The following EHHADH variants were observed in gnomAD, a reference collection of about 807,000 sequenced individuals.
EHHADH encodes the protein enoyl-CoA hydratase and 3-hydroxyacyl CoA dehydrogenase.
EHHADH carries 48 observed loss-of-function variants against 64.4 expected under a neutral mutation model. The observed-to-expected ratio is 0.75, with a 90% CI of 0.59 to 0.95. EHHADH has a LOEUF of 0.95. Ranked by LOEUF, EHHADH falls within the 40% of genes least tolerant of loss-of-function variation. The pLI is 0.00. For synonymous variants in EHHADH, 308 were observed against 326.7 expected, an observed-to-expected ratio of 0.94 and a Z score of 0.62; for missense variants, 854 against 876.6, an observed-to-expected ratio of 0.97 and a Z score of 0.33.
chr3:185,253,496 C>G (rs1719805025), intron 1 of EHHADH, among the ~76,000 whole-genome samples: 1 of 149,364 alleles, frequency 6.7e-6, no homozygotes, highest in Non-Finnish European at 1.5e-5. Context: ...GTGCAGCACA[C>G]CAACATGGCA....
At chr3:185,202,068 A>G (rs1361423841) in intron 6 of EHHADH, among the ~76,000 whole-genome samples, 5 of 152,200 alleles carry the variant, frequency 3.3e-5, no homozygotes, top group Non-Finnish European at 5.9e-5. Flanking sequence ...CTGGGCACAA[A>G]GGCTCACGCC....
At chr3:185,215,770 T>C (rs1267908947) in intron 5 of EHHADH, among the ~76,000 whole-genome samples, 1 of 152,214 alleles carries the variant, frequency 6.6e-6, no homozygotes, top group Non-Finnish European at 1.5e-5. Context: ...AAAAATCACT[T>C]AAGAAATTTT....
chr3:185,204,522 C>T lies in EHHADH; in HGVS notation c.804G>A (p.Leu268=), dbSNP rs779909543. The change falls in exon 6 of 7, where the codon CTG becomes CTA. Residue 268 remains leucine, a synonymous_variant. Coordinates refer to ENST00000231887, the MANE Select transcript of EHHADH (RefSeq NM_001966.4). ...TCCTTTCAGCGAAGAAAGCATATTG[C>T]AGGGCTCTAGCCTGCCCTGATTGCA... ...YLLQSGQARA[L]QYAFFAERKA... The T allele has an allele frequency of 1.2e-6, 2 of 1,614,168 alleles. No homozygotes were observed. The highest frequency in any genetic ancestry group is 3.3e-5 in the Admixed American group (2 of 60,018).
chr3:185,201,022 A>G (rs187012216), intron 6 of EHHADH, among the ~76,000 whole-genome samples: 1 of 152,312 alleles, frequency 6.6e-6, no homozygotes, highest in Admixed American at 6.5e-5. Context: ...AGATAAGGGG[A>G]GCTGATCAAG....
chr3:185,252,353 T>C (rs900189931), intron 1 of EHHADH, among the ~76,000 whole-genome samples: 1 of 150,386 alleles, frequency 6.6e-6, no homozygotes, highest in Non-Finnish European at 1.5e-5. Context: ...TGAGCTGAGA[T>C]CACGCCACTG....
In EHHADH at chr3:185,193,341, G is replaced by A; in HGVS notation, c.1057C>T (p.Gln353Ter). ...VLEKEASKMQ[Q>*]SGHPWSGPKP... Reference sequence around the variant, plus strand: ...GGTCCTGACCAAGGGTGGCCGCTCTGTTGCATTTTGGAGGCTTCTTTTTCC... The same window carrying A: ...GGTCCTGACCAAGGGTGGCCGCTCTATTGCATTTTGGAGGCTTCTTTTTCC... The change falls in exon 7 of 7, where the codon CAG becomes TAG. Residue 353 changes from glutamine (Q) to a stop codon, truncating the protein, a stop_gained. Coordinates refer to ENST00000231887, the MANE Select transcript of EHHADH (RefSeq NM_001966.4). LOFTEE classifies it high-confidence loss of function. 1 of 1,614,002 alleles carries A rather than the reference G, an allele frequency of 6.2e-7. No homozygotes were observed.
intron 5 of EHHADH, among the ~76,000 whole-genome samples, chr3:185,214,974 A>G (rs1006664442): frequency 2.6e-5 from 4 of 152,174 alleles, no homozygotes; most frequent in Non-Finnish European, 5.9e-5. Context: ...TTAAGCCTCT[A>G]TAAGTGATTG....
At chr3:185,212,112 A>T (rs1370351528) in intron 5 of EHHADH, among the ~76,000 whole-genome samples, 1 of 152,238 alleles carries the variant, frequency 6.6e-6, no homozygotes, top group Admixed American at 6.5e-5. Context: ...ATTCAGCATC[A>T]TGCCAGAAAC....
intron 6 of EHHADH, among the ~76,000 whole-genome samples, chr3:185,195,322 T>C (rs1047150280): frequency 6.6e-6 from 1 of 152,104 alleles, no homozygotes; most frequent in African/African-American, 2.4e-5. Flanking sequence ...TCAAACCCAC[T>C]AGGATTGCAA....
In EHHADH at chr3:185,229,476, G is replaced by T; in HGVS notation, c.419C>A (p.Pro140His). The change falls in exon 4 of 7, where the codon CCC becomes CAC. Residue 140 changes from proline to histidine, a missense_variant. Pro to His is a moderately conservative substitution (Grantham distance 77). Coordinates refer to ENST00000231887, the MANE Select transcript of EHHADH (RefSeq NM_001966.4). ...LPGARGTQLL[P>H]RLTGVPAALD... ...TGCAGCAGGAACTCCAGTGAGTCTG[G>T]GGAGAAGCTGGGTTCCTCTTGCACC... 1 of 1,576,404 alleles carries T rather than the reference G, an allele frequency of 6.3e-7. No individual in the cohort carries two copies. Among genetic ancestry groups the T allele is most frequent in the Non-Finnish European group, 8.6e-7 (1 of 1,158,516 alleles).
At chr3:185,197,823 G>A (rs1258447817) in intron 6 of EHHADH, among the ~76,000 whole-genome samples, 1 of 152,080 alleles carries the variant, frequency 6.6e-6, no homozygotes, top group Non-Finnish European at 1.5e-5. Context: ...TTGAGATGGA[G>A]TCTCTCTCTG....
At chr3:185,215,382 T>C (rs958534215) in intron 5 of EHHADH, among the ~76,000 whole-genome samples, 2 of 152,042 alleles carry the variant, frequency 1.3e-5, no homozygotes, top group African/African-American at 4.8e-5. Flanking sequence ...AAAAACATTA[T>C]ACAAAATAAA....
chr3:185,198,746 G>A (rs1718142243), intron 6 of EHHADH, among the ~76,000 whole-genome samples: 2 of 151,968 alleles, frequency 1.3e-5, no homozygotes, highest in Admixed American at 1.3e-4. Flanking sequence ...CTACTCAGGA[G>A]GCTGAGGCAC....
intron 2 of EHHADH, among the ~76,000 whole-genome samples, chr3:185,244,537 C>T (rs2108651198): frequency 6.6e-6 from 1 of 152,192 alleles, no homozygotes; most frequent in Non-Finnish European, 1.5e-5. Flanking sequence ...GGGAAGTGTA[C>T]TGAGTTGAAT....
chr3:185,247,310 C>T (rs1939775082), intron 2 of EHHADH, among the ~76,000 whole-genome samples: 1 of 152,096 alleles, frequency 6.6e-6, no homozygotes, highest in Admixed American at 6.5e-5. Flanking sequence ...TACCTTCTTT[C>T]TTACAAAGAA....
rs777425695 is a variant in EHHADH at position 185,192,425 on chromosome 3, C to T, written c.1973G>A (p.Arg658Lys). 23 of 1,614,088 alleles carry T rather than the reference C, an allele frequency of 1.4e-5. No homozygotes were observed. In the Admixed American group the frequency reaches 3.8e-4, roughly 27 times the overall value. ...ATAGAACATGGGCCCGCCCTTGTGC[C>T]TTGGCCATCCATATCCATGTAAATA... is the stretch of plus-strand genomic sequence containing the variant. ...VVYLHGYGWP[R>K]HKGGPMFYAS... The change falls in exon 7 of 7, where the codon AGG becomes AAG. Residue 658 changes from arginine to lysine, a missense_variant. By Grantham distance (26) the Arg-to-Lys change is conservative. Transcript: ENST00000231887.
chr3:185,241,659 G>A (rs1215067008), intron 2 of EHHADH, among the ~76,000 whole-genome samples: 1 of 151,114 alleles, frequency 6.6e-6, no homozygotes, highest in African/African-American at 2.4e-5. Context: ...TTTTTTTCTT[G>A]TTGATATGTT....
At position 185,217,797 on chromosome 3, in the gene EHHADH, T is replaced by C. The variant is rs528570159; in HGVS notation, c.568+339A>G. ...TTTTTTTTCTCGAGACGGAGTCTCG[T>C]TCTGTCGCCCAGGATGGAGTGCAGT... On this transcript the variant is annotated intron_variant, in intron 5 of 6. Coordinates refer to ENST00000231887, the MANE Select transcript of EHHADH (RefSeq NM_001966.4). 7.3e-5 allele frequency among the ~76,000 whole-genome samples: 11 copies of C among 151,298 alleles called. No homozygotes were observed. In the East Asian group the frequency reaches 1.2e-3, roughly 16 times the overall value.
intron 6 of EHHADH, among the ~76,000 whole-genome samples, chr3:185,198,413 G>T (rs558531144): frequency 3.4e-5 from 5 of 148,518 alleles, no homozygotes; most frequent in African/African-American, 1.2e-4. Context: ...TAGAGACAGG[G>T]TTTCATCATG....
Sources: allele counts gnomAD v4.1 joint callset (sites outside exome capture counted in the v4.1 genomes callset), GRCh38; gene constraint gnomAD v4.1.1; transcripts MANE v1.5; gene names NCBI Gene and HGNC (gene_info 2026-07-23, HGNC 2026-07-21).